DOK6: variants seen among roughly 807,000 people sequenced by gnomAD.
DOK6 encodes the protein docking protein 6.
DOK6 carries 22 observed loss-of-function variants against 44.0 expected under a neutral mutation model. The ratio of observed to expected loss-of-function variants is 0.50; its 90% CI spans 0.36 to 0.71. The LOEUF (loss-of-function observed/expected upper bound fraction) is 0.71. Ranked by LOEUF, DOK6 falls within the 30% of genes least tolerant of loss-of-function variation. DOK6 has a pLI of 0.00. For synonymous variants in DOK6, 166 were observed against 145.5 expected, an observed-to-expected ratio of 1.14 and a Z score of -1.01; for missense variants, 340 against 416.4, an observed-to-expected ratio of 0.82 and a Z score of 1.60.
intron 1 of DOK6, among the ~76,000 whole-genome samples, chr18:69,417,022 A>G (rs1032721052): frequency 4.6e-5 from 7 of 152,172 alleles, no homozygotes; most frequent in Non-Finnish European, 1.5e-5. Context: ...ATAATGATCA[A>G]ATCTTGGTTA....
At chr18:69,443,820 A>G (rs1404321190) in intron 1 of DOK6, among the ~76,000 whole-genome samples, 2 of 152,128 alleles carry the variant, frequency 1.3e-5, no homozygotes, top group African/African-American at 4.8e-5. Context: ...TTTTGCTAGG[A>G]TAGATCCTCA....
intron 6 of DOK6, among the ~76,000 whole-genome samples, chr18:69,750,051 A>AT (rs1201429472): frequency 1.4e-5 from 2 of 147,600 alleles, no homozygotes; most frequent in Admixed American, 6.8e-5. Context: ...TTTTATATAT[A>AT]TATATATTAT....
chr18:69,637,718 A>C (rs1398637851), intron 3 of DOK6, among the ~76,000 whole-genome samples: 2 of 128,722 alleles, frequency 1.6e-5, no homozygotes, highest in African/African-American at 5.4e-5. Context: ...CCACTTAGAA[A>C]ATTATAATAT....
At position 69,845,011 on chromosome 18, in the gene DOK6, C is replaced by T. The variant is rs902134093; in HGVS notation, c.*3628C>T. The T allele has an allele frequency of 2.6e-5, 4 of 152,078 alleles. No individual in the cohort carries two copies. The highest frequency in any genetic ancestry group is 7.2e-5 in the African/African-American group (3 of 41,426). The allele number at this position is 152,078 out of a possible 1,614,324, so 9.4% of individuals were successfully genotyped here. On this transcript the variant is annotated 3_prime_UTR_variant, in exon 8 of 8. Transcript: ENST00000382713. ...TCTACAGATCCAGTTTATTGCATGT[C>T]GTATCTTTATTGTAGATATTAAAAA...
intron 5 of DOK6, among the ~76,000 whole-genome samples, chr18:69,729,745 A>G (rs1978344941): frequency 6.6e-6 from 1 of 152,240 alleles, no homozygotes. Context: ...AAATCTGGAT[A>G]TATGCCCCCA....
At chr18:69,836,075 G>A (rs768329326) in intron 7 of DOK6, among the ~76,000 whole-genome samples, 39 of 152,202 alleles carry the variant, frequency 2.6e-4, no homozygotes, top group Non-Finnish European at 4.4e-4. Flanking sequence ...TCCTCGGGAA[G>A]GAGAGGATAT....
At chr18:69,476,575 A>C (rs1414035678) in intron 1 of DOK6, among the ~76,000 whole-genome samples, 1 of 151,606 alleles carries the variant, frequency 6.6e-6, no homozygotes, top group Non-Finnish European at 1.5e-5. Context: ...AGGGAAACCA[A>C]AAAGAAGAGA....
intron 1 of DOK6, among the ~76,000 whole-genome samples, chr18:69,558,559 T>C (rs2144593423): frequency 6.6e-6 from 1 of 152,282 alleles, no homozygotes; most frequent in East Asian, 1.9e-4. Flanking sequence ...TGAATTCATA[T>C]TTCCTAATAA....
intron 3 of DOK6, among the ~76,000 whole-genome samples, chr18:69,624,486 T>C (rs1410048070): frequency 1.3e-5 from 2 of 152,094 alleles, no homozygotes; most frequent in Non-Finnish European, 2.9e-5. Flanking sequence ...AAAATAATTG[T>C]AGTCTCACTG....
chr18:69,426,009 A>C (rs1257416617), intron 1 of DOK6, among the ~76,000 whole-genome samples: 1 of 152,134 alleles, frequency 6.6e-6, no homozygotes. Context: ...TAATTTTTAC[A>C]TGTAAGGGAT....
At chr18:69,492,651 T>A (rs1980767460) in intron 1 of DOK6, among the ~76,000 whole-genome samples, 1 of 151,884 alleles carries the variant, frequency 6.6e-6, no homozygotes, top group South Asian at 2.1e-4. Flanking sequence ...TAGCTCCAAC[T>A]GAGAACATGC....
intron 1 of DOK6, among the ~76,000 whole-genome samples, chr18:69,510,647 A>G (rs1981341958): frequency 6.6e-6 from 1 of 152,240 alleles, no homozygotes; most frequent in Non-Finnish European, 1.5e-5. Flanking sequence ...AGTACAAAGC[A>G]TGAGCAATGG....
intron 7 of DOK6, among the ~76,000 whole-genome samples, chr18:69,786,014 A>G (rs1248004264): frequency 6.6e-6 from 1 of 152,186 alleles, no homozygotes; most frequent in Non-Finnish European, 1.5e-5. Context: ...TATACTAAGT[A>G]AAAGACTTTT....
chr18:69,815,343 CTTG>C (rs1052729132), intron 7 of DOK6, among the ~76,000 whole-genome samples: 3 of 152,146 alleles, frequency 2.0e-5, no homozygotes, highest in African/African-American at 7.2e-5. Flanking sequence ...TATTATCTCA[CTTG>C]TTGTGACAAA....
chr18:69,576,747 A>C (rs985753616), intron 2 of DOK6, among the ~76,000 whole-genome samples: 1 of 152,214 alleles, frequency 6.6e-6, no homozygotes, highest in African/African-American at 2.4e-5. Flanking sequence ...TTGAAAATGT[A>C]GCTGTATATA....
At chr18:69,803,814 A>G (rs922412240) in intron 7 of DOK6, among the ~76,000 whole-genome samples, 4 of 152,076 alleles carry the variant, frequency 2.6e-5, no homozygotes, top group African/African-American at 4.8e-5. Context: ...AGCCAAGATC[A>G]CACCACTGCA....
intron 2 of DOK6, among the ~76,000 whole-genome samples, chr18:69,589,201 TAGAG>T (rs1983571763): frequency 1.3e-5 from 2 of 152,128 alleles, no homozygotes; most frequent in Non-Finnish European, 2.9e-5. Context: ...GATTCAAGCA[TAGAG>T]AGATTAACCT....
Position 69,848,865 on chromosome 18 carries a change from C to A in DOK6, c.*7482C>A, listed in dbSNP as rs1982411441. 1 of 152,158 alleles carries A rather than the reference C, an allele frequency of 6.6e-6. No homozygotes were observed. The highest frequency in any genetic ancestry group is 2.1e-4 in the South Asian group (1 of 4,828). The allele number at this position is 152,158 out of a possible 1,614,324, so 9.4% of individuals were successfully genotyped here. On this transcript the variant is annotated 3_prime_UTR_variant, in exon 8 of 8. Coordinates refer to ENST00000382713, the MANE Select transcript of DOK6 (RefSeq NM_152721.6). Reference sequence around the variant, plus strand: ...AACTTTGCATGGCTGAGATTTTGAACAACTAAATTGATGGTTTTACCCACA... The same window carrying A: ...AACTTTGCATGGCTGAGATTTTGAAAAACTAAATTGATGGTTTTACCCACA...
chr18:69,613,075 T>C (rs1984201008), intron 3 of DOK6, among the ~76,000 whole-genome samples: 1 of 152,132 alleles, frequency 6.6e-6, no homozygotes, highest in South Asian at 2.1e-4. Flanking sequence ...TTCGTTATGT[T>C]GCTCAGGCTG....
Sources: gnomAD v4.1 joint callset for allele counts (sites outside exome capture counted in the v4.1 genomes callset) on GRCh38, gnomAD v4.1.1 for gene constraint, MANE v1.5 for transcripts, NCBI Gene and HGNC (gene_info 2026-07-23, HGNC 2026-07-21) for gene names.